Variants in RTN4RL1 observed in about 807,000 individuals in gnomAD.
The protein encoded by RTN4RL1 is reticulon-4 receptor-like 1.
RTN4RL1 carries 7 observed loss-of-function variants against 25.6 expected under a neutral mutation model. The observed-to-expected ratio is 0.27, with a 90% CI of 0.16 to 0.51. The LOEUF is 0.51. RTN4RL1 is among the 20% of genes least tolerant of loss of function. The pLI is 0.97. For synonymous variants in RTN4RL1, 297 were observed against 288.2 expected (o/e 1.03, Z -0.31); for missense variants, 500 against 615.6 (o/e 0.81, Z 1.99).
chr17:2,000,779 C>T (rs190371320), intron 1 of RTN4RL1, among the ~76,000 whole-genome samples: 2 of 152,070 alleles, frequency 1.3e-5, no homozygotes, highest in Non-Finnish European at 2.9e-5. Context: ...CTCAGCCTCC[C>T]GAAGTACGGG....
chr17:1,943,162 C>T (rs975433025), intron 1 of RTN4RL1, among the ~76,000 whole-genome samples: 1 of 152,246 alleles, frequency 6.6e-6, no homozygotes, highest in African/African-American at 2.4e-5. Context: ...CCAGAGTCCT[C>T]AGGACAGCCC....
chr17:1,966,614 G>C (rs181095574), intron 1 of RTN4RL1, among the ~76,000 whole-genome samples: 320 of 152,198 alleles, frequency 2.1e-3, no homozygotes, highest in African/African-American at 7.2e-3. Context: ...TCTGTCTTGG[G>C]GTTCCCTGTC....
chr17:1,964,157 C>T (rs945296238), intron 1 of RTN4RL1, among the ~76,000 whole-genome samples: 11 of 152,126 alleles, frequency 7.2e-5, no homozygotes, highest in African/African-American at 2.7e-4. Flanking sequence ...GCTACGCACA[C>T]GTGGCTTCCA....
At chr17:2,010,948 C>T (rs1031409071) in intron 1 of RTN4RL1, among the ~76,000 whole-genome samples, 1 of 152,030 alleles carries the variant, frequency 6.6e-6, no homozygotes. Context: ...GGCAGTTCAT[C>T]GTTGTTAAAT....
At position 1,936,294 on chromosome 17, in the gene RTN4RL1, A is replaced by C; in HGVS notation, c.*202T>G. 1.5e-6 allele frequency: 2 copies of C among 1,371,742 alleles called. No individual in the cohort carries two copies. The highest frequency in any genetic ancestry group is 9.3e-7 in the Non-Finnish European group (1 of 1,069,602). 85.0% of individuals were successfully genotyped at this position (1,371,742 alleles called of 1,614,324 possible). On this transcript the variant is annotated 3_prime_UTR_variant, in exon 2 of 2. Transcript: ENST00000331238. The stretch of plus-strand genomic sequence containing the variant: ...GGGCTGGCTGGGACAGCCGGCTGAG[A>C]AGCGCCACCCCCTCCCGCCTAGGGC...
chr17:1,960,527 T>G (rs1404294834), intron 1 of RTN4RL1, among the ~76,000 whole-genome samples: 1 of 152,194 alleles, frequency 6.6e-6, no homozygotes, highest in Non-Finnish European at 1.5e-5. Context: ...ATTCTTGCCT[T>G]GGAGGCTTTG....
Position 1,937,323 on chromosome 17 carries a change from C to A in RTN4RL1, c.499G>T (p.Asp167Tyr). The A allele has an allele frequency of 6.2e-7, 1 of 1,613,550 alleles. No homozygotes were observed. Among genetic ancestry groups the A allele is most frequent in the Non-Finnish European group, 8.5e-7 (1 of 1,179,876 alleles). The change falls in exon 2 of 2, where the codon GAC (aspartate) becomes TAC (tyrosine). Residue 167 changes from aspartate (D) to tyrosine (Y), a missense_variant. This residue lies in a region of RTN4RL1 where 232 missense variants were observed against 341.1 expected (regional missense o/e 0.68). Coordinates refer to ENST00000331238, the MANE Select transcript of RTN4RL1 (RefSeq NM_178568.4). ...QDNHIEYLQD[D>Y]IFVDLVNLSH... ...AGGTTGACCAGGTCCACGAAGATGT[C>A]GTCCTGGAGGTACTCGATGTGGTTG...
At chr17:1,939,553 A>G (rs1915397722) in intron 1 of RTN4RL1, among the ~76,000 whole-genome samples, 1 of 152,046 alleles carries the variant, frequency 6.6e-6, no homozygotes, top group Admixed American at 6.5e-5. Context: ...TCCAGCCTCC[A>G]GGCTGTGGTT....
rs774811344 is a variant in RTN4RL1, at chr17:1,937,279, G to A, written c.543C>T (p.His181=). The A allele has an allele frequency of 1.2e-4, 200 of 1,612,738 alleles. No homozygotes were observed. The highest frequency in any genetic ancestry group is 1.5e-4 in the Non-Finnish European group (182 of 1,179,886). ...GGCCCAGACTCCACAGCTTGTTGCC[G>A]TGGAGAAACAGGTGGCTGAGGTTGA... The part of the protein sequence containing the change: ...DLVNLSHLFL[H]GNKLWSLGPG... Residue 181 remains histidine, a synonymous_variant, in exon 2 of 2, where the codon CAC becomes CAT. Transcript: ENST00000331238.
intron 1 of RTN4RL1, among the ~76,000 whole-genome samples, chr17:1,972,708 C>T (rs2151313653): frequency 6.6e-6 from 1 of 152,338 alleles, no homozygotes; most frequent in South Asian, 2.1e-4. Context: ...GCCGCAAGTG[C>T]CTCGAGAGCA....
At position 2,000,518 on chromosome 17, in the gene RTN4RL1, T is replaced by TTTTA. The variant is rs543798954; in HGVS notation, c.13+24331_13+24334dup. On this transcript the variant is annotated intron_variant, in intron 1 of 1. Transcript: ENST00000331238. The stretch of plus-strand genomic sequence containing the variant: ...CCACCATGTCCAGCTAATTTTAGTA[T>TTTTA]TTTATTTATTTATTTATTTATTTTG... 5.6e-3 allele frequency among the ~76,000 whole-genome samples: 858 copies of TTTTA among 151,924 alleles called. 9 individuals carry two copies. Among genetic ancestry groups the TTTTA allele is most frequent in the African/African-American group, 0.019 (775 of 41,394 alleles).
rs192465485 is a variant in RTN4RL1 at position 1,959,596 on chromosome 17, A to T, written c.14-21788T>A. ...TTGTTTTGTTTTGAGGCAGAGTCTC[A>T]CTGTGTCACCCAGGCTGGAGTGTAG... On this transcript the variant is annotated intron_variant, in intron 1 of 1. Coordinates refer to ENST00000331238, the MANE Select transcript of RTN4RL1 (RefSeq NM_178568.4). Among the ~76,000 whole-genome samples the T allele has an allele frequency of 3.8e-3, 574 of 152,234 alleles. 8 individuals are homozygous for T. The highest frequency in any genetic ancestry group is 0.013 in the African/African-American group (552 of 41,532).
At chr17:1,971,518 A>T (rs770799458) in intron 1 of RTN4RL1, among the ~76,000 whole-genome samples, 3 of 152,222 alleles carry the variant, frequency 2.0e-5, no homozygotes. Context: ...GGCTCTGAGC[A>T]GGAAGGTCTA....
intron 1 of RTN4RL1, among the ~76,000 whole-genome samples, chr17:2,007,671 C>T (rs1251917778): frequency 1.3e-5 from 2 of 152,192 alleles, no homozygotes; most frequent in African/African-American, 4.8e-5. Flanking sequence ...CTTGGCTGGG[C>T]ACAGTGGCTC....
chr17:2,012,405 G>T (rs946986839), intron 1 of RTN4RL1, among the ~76,000 whole-genome samples: 5 of 152,222 alleles, frequency 3.3e-5, no homozygotes, highest in Non-Finnish European at 4.4e-5. Context: ...GCCCCTCAGA[G>T]CCTCGGTATC....
chr17:1,991,469 A>C (rs2066908623), intron 1 of RTN4RL1, among the ~76,000 whole-genome samples: 1 of 151,580 alleles, frequency 6.6e-6, no homozygotes, highest in African/African-American at 2.4e-5. Context: ...AAAAACAAAA[A>C]AAAACTTCAA....
chr17:1,946,993 C>T (rs12947946), intron 1 of RTN4RL1, among the ~76,000 whole-genome samples: 37 of 92,752 alleles, frequency 4.0e-4, no homozygotes, highest in African/African-American at 1.4e-3. Flanking sequence ...GTGCATGGGG[C>T]CTGTGTGCAT....
At chr17:1,961,530 A>G (rs2066761322) in intron 1 of RTN4RL1, among the ~76,000 whole-genome samples, 1 of 151,990 alleles carries the variant, frequency 6.6e-6, no homozygotes, top group Non-Finnish European at 1.5e-5. Context: ...TACAACACGT[A>G]AGGGACTGAG....
intron 1 of RTN4RL1, among the ~76,000 whole-genome samples, chr17:1,947,821 G>A (rs980813412): frequency 7.9e-5 from 12 of 152,228 alleles, no homozygotes; most frequent in Admixed American, 2.6e-4. Flanking sequence ...CCAGGCTTGA[G>A]ACCGGCCCCC....
Sources: gnomAD v4.1 joint callset for allele counts (sites outside exome capture counted in the v4.1 genomes callset) on GRCh38, gnomAD v4.1.1 for gene constraint, gnomAD v4.1.1 regional missense constraint, MANE v1.5 for transcripts, NCBI Gene and HGNC (gene_info 2026-07-23, HGNC 2026-07-21) for gene names.